The following GSTCD variants were observed in gnomAD, a reference collection of about 807,000 sequenced individuals.
GSTCD encodes glutathione S-transferase C-terminal domain containing, also known as glutathione S-transferase C-terminal domain-containing protein.
Under a neutral mutation model 68.3 loss-of-function variants are expected in GSTCD, and 44 were observed. The ratio of observed to expected loss-of-function variants is 0.64; its 90% confidence interval spans 0.51 to 0.83. GSTCD has a LOEUF of 0.83. Ranked by LOEUF, GSTCD falls within the 40% of genes least tolerant of loss-of-function variation. The probability of loss-of-function intolerance (pLI) is 0.00; values close to 1 mark genes in which losing one functional copy is unlikely to be tolerated. For missense variants in GSTCD, 739 were observed against 735.9 expected (o/e 1.00, Z -0.05); for synonymous variants, 273 against 255.2 (o/e 1.07, Z -0.67).
intron 10 of GSTCD, 140 bp from the exon 11 acceptor site, chr4:105,841,925 A>G (rs1030875450): frequency 3.8e-5 from 24 of 629,908 alleles, no homozygotes; most frequent in Admixed American, 3.3e-4. Flanking sequence ...ACTTTTTTCA[A>G]AAATACTATT....
intron 5 of GSTCD, among the ~76,000 whole-genome samples, chr4:105,814,035 T>A (rs1034084370): frequency 6.6e-6 from 1 of 151,206 alleles, no homozygotes; most frequent in African/African-American, 2.4e-5. Flanking sequence ...TCTGTTGAGG[T>A]TGTCATGAAA....
At position 105,726,824 on chromosome 4, in the gene GSTCD, G is replaced by C; in HGVS notation, c.1140G>C (p.Lys380Asn). Residue 380 changes from lysine (K) to asparagine (N), a missense_variant, in exon 4 of 12, where the codon AAG (lysine) becomes AAC (asparagine). Lys to Asn is a moderately conservative substitution (Grantham distance 94). Transcript: ENST00000515279. ...GAGGACCAAGACCAACCATGGCCAA[G>C]TTAATGGTACTTAATTATTAACATT... The part of the protein sequence containing the change: ...FIGGPRPTMA[K>N]LMEKGIEVMF... 1 of 1,603,974 alleles carries C rather than the reference G, an allele frequency of 6.2e-7. No individual in the cohort carries two copies. Among genetic ancestry groups the C allele is most frequent in the South Asian group, 1.1e-5 (1 of 88,890 alleles).
chr4:105,777,735 T>C (rs2553449), intron 5 of GSTCD, among the ~76,000 whole-genome samples: 73,659 of 152,058 alleles, frequency 0.48, 22,224 homozygotes, highest in East Asian at 0.9. Flanking sequence ...ATCTGCAAAA[T>C]GGGGATGTTA....
chr4:105,841,682 A>AT (rs1724344993), intron 10 of GSTCD, among the ~76,000 whole-genome samples: 1 of 149,754 alleles, frequency 6.7e-6, no homozygotes, highest in African/African-American at 2.5e-5. Flanking sequence ...TTGAAAAAAA[A>AT]ATACAAAAAA....
rs1273134268 is a variant in GSTCD, at chr4:105,719,134, C to T, written c.501C>T (p.Asp167=). The change falls in exon 3 of 12, where the codon GAC becomes GAT. Residue 167 remains aspartate, a synonymous_variant. Transcript: ENST00000515279. The stretch of plus-strand genomic sequence containing the variant: ...AGAATTTTCTCAGAGAATCTTCTGA[C>T]CAGCCCCCAACTATACCTGTAGAAA... ...AIENFLRESS[D]QPPTIPVEIL... is the part of the protein sequence containing the mutation. The T allele has an allele frequency of 1.9e-6, 3 of 1,613,968 alleles. No homozygotes were observed. Among genetic ancestry groups the T allele is most frequent in the Non-Finnish European group, 2.5e-6 (3 of 1,179,988 alleles).
intron 5 of GSTCD, among the ~76,000 whole-genome samples, chr4:105,814,972 T>G (rs185116328): frequency 1.3e-5 from 2 of 152,220 alleles, no homozygotes; most frequent in African/African-American, 4.8e-5. Flanking sequence ...GTGTTAACTT[T>G]TAAGTTTAAT....
intron 9 of GSTCD, 140 bp downstream of exon 9, chr4:105,834,734 A>G (rs1724043032): frequency 4.3e-6 from 3 of 700,252 alleles, no homozygotes; most frequent in Non-Finnish European, 4.6e-6. Flanking sequence ...TGTAAATTGT[A>G]TAAGGAAGAG....
intron 5 of GSTCD, among the ~76,000 whole-genome samples, chr4:105,735,885 A>G (rs1374287397): frequency 6.6e-6 from 1 of 152,152 alleles, no homozygotes; most frequent in African/African-American, 2.4e-5. Flanking sequence ...TAGGACTCAT[A>G]TTTTAAAAAT....
At chr4:105,767,375 G>A (rs1734658726) in intron 5 of GSTCD, among the ~76,000 whole-genome samples, 1 of 151,984 alleles carries the variant, frequency 6.6e-6, no homozygotes, top group South Asian at 2.1e-4. Flanking sequence ...GTAAACTTAA[G>A]GTTAAACTTA....
intron 11 of GSTCD, 131 bp downstream of exon 11, chr4:105,842,265 T>C (rs1353763252): frequency 4.5e-6 from 3 of 674,084 alleles, no homozygotes; most frequent in Non-Finnish European, 7.7e-6. Flanking sequence ...AATATGTTCT[T>C]CCCAAAAAAA....
In GSTCD at chr4:105,788,065, T is replaced by C. The variant is rs190409186; in HGVS notation, c.1241-34889T>C. Among the ~76,000 whole-genome samples, 90 of 152,168 alleles carry C rather than the reference T, an allele frequency of 5.9e-4. 1 individual carries two copies. Among genetic ancestry groups the C allele is most frequent in the African/African-American group, 2.1e-3 (86 of 41,472 alleles). On this transcript the variant is annotated intron_variant, in intron 5 of 11. Transcript: ENST00000515279. ...AGTACAGAGTTGTGTTGTTGTTATT[T>C]AGTTTCATGATTTCTTTGTATTAGT...
At chr4:105,739,067 G>A (rs989014313) in intron 5 of GSTCD, among the ~76,000 whole-genome samples, 6 of 152,208 alleles carry the variant, frequency 3.9e-5, no homozygotes, top group Non-Finnish European at 5.9e-5. Context: ...TTTATCAACT[G>A]CATTTTGTGT....
At chr4:105,755,703 T>G (rs1330645788) in intron 5 of GSTCD, among the ~76,000 whole-genome samples, 2 of 151,008 alleles carry the variant, frequency 1.3e-5, no homozygotes, top group African/African-American at 4.9e-5. Context: ...ACATGGAGAG[T>G]TTTTAAGCTT....
chr4:105,824,855 A>G (rs11731417), intron 7 of GSTCD, among the ~76,000 whole-genome samples: 8,184 of 152,182 alleles, frequency 0.054, 254 homozygotes, highest in Middle Eastern at 0.14. Context: ...TTCTTCAAAC[A>G]TGCCATATTC....
At chr4:105,726,514 TACCTC>T (rs1733039835) in intron 3 of GSTCD, 60 bp from the exon 4 acceptor site, 1 of 1,023,728 alleles carries the variant, frequency 9.8e-7, no homozygotes, top group Admixed American at 2.8e-5. Context: ...TTTGTAAAGT[TACCTC>T]AACACAGCTA....
At chr4:105,727,328 A>G (rs1733075059) in intron 4 of GSTCD, among the ~76,000 whole-genome samples, 1 of 151,996 alleles carries the variant, frequency 6.6e-6, no homozygotes, top group Non-Finnish European at 1.5e-5. Flanking sequence ...GTTCGAGACC[A>G]GTCTGGGCAA....
intron 5 of GSTCD, among the ~76,000 whole-genome samples, chr4:105,777,139 C>A (rs1735099335): frequency 6.6e-6 from 1 of 152,142 alleles, no homozygotes; most frequent in South Asian, 2.1e-4. Context: ...CAAATAAATT[C>A]TACTTAGTAA....
intron 5 of GSTCD, among the ~76,000 whole-genome samples, chr4:105,756,590 A>G (rs935570205): frequency 3.3e-5 from 5 of 150,086 alleles, no homozygotes; most frequent in African/African-American, 1.2e-4. Flanking sequence ...GTATATATAT[A>G]TATATATATA....
chr4:105,722,002 C>T (rs956711531), intron 3 of GSTCD, among the ~76,000 whole-genome samples: 4 of 152,050 alleles, frequency 2.6e-5, no homozygotes, highest in African/African-American at 9.7e-5. Flanking sequence ...TATTATTTTT[C>T]AGTTGCTACT....
Sources: allele counts gnomAD v4.1 joint callset (sites outside exome capture counted in the v4.1 genomes callset), GRCh38; gene constraint gnomAD v4.1.1; transcripts MANE v1.5; gene names NCBI Gene and HGNC (gene_info 2026-07-23, HGNC 2026-07-21).